Variants in ZNF532 observed in about 807,000 individuals in gnomAD.
ZNF532 encodes the protein zinc finger protein 532.
In ZNF532, 22 loss-of-function variants were observed where a neutral mutation model predicts 89.3. The observed-to-expected ratio is 0.25, with a 90% CI of 0.18 to 0.35. The LOEUF (loss-of-function observed/expected upper bound fraction) is 0.35. Among genes scored for constraint, ZNF532 ranks in the 10% least tolerant of loss-of-function variants. The pLI, the probability that ZNF532 is intolerant of heterozygous loss-of-function variation, is 1.00. For synonymous variants in ZNF532, 606 were observed against 649.6 expected (o/e 0.93, Z 1.02); for missense variants, 1,132 against 1,643.4 (o/e 0.69, Z 5.38).
intron 6 of ZNF532, 134 bp from the exon 7 acceptor site, chr18:58,953,384 T>C: frequency 1.3e-6 from 1 of 756,930 alleles, no homozygotes; most frequent in African/African-American, 1.8e-5. Context: ...TAGGTTTTTT[T>C]CTTTATATAT....
chr18:58,976,227 C>T (rs2067030942), intron 7 of ZNF532, among the ~76,000 whole-genome samples: 1 of 152,122 alleles, frequency 6.6e-6, no homozygotes, highest in Admixed American at 6.6e-5. Context: ...TTCATTTCTG[C>T]ATTTTTCATA....
rs770638520 is a variant in ZNF532, at chr18:58,880,763, C to CTGTGT, written c.-18+15184_-18+15185insTGTGT. Among the ~76,000 whole-genome samples the CTGTGT allele has an allele frequency of 2.3e-4, 27 of 119,676 alleles. 2 individuals carry two copies. In the Middle Eastern group the frequency reaches 0.012, roughly 53 times the overall value. 78.5% of individuals were successfully genotyped at this position (119,676 alleles called of 152,430 possible). On this transcript the variant is annotated intron_variant, in intron 2 of 9. Transcript: ENST00000591808. The stretch of plus-strand genomic sequence containing the variant: ...GAGCCCTCTCATAGGCGCGCGCGCA[C>CTGTGT]GCGCGCGCGTCTGTGTGTGTGTGTG...
chr18:58,870,131 C>G (rs2056862360), intron 2 of ZNF532, among the ~76,000 whole-genome samples: 1 of 136,788 alleles, frequency 7.3e-6, no homozygotes, highest in Admixed American at 8.0e-5. Flanking sequence ...GAAGAACAGA[C>G]AAAGGTAATG....
At chr18:58,908,636 A>T (rs1455727837) in intron 2 of ZNF532, among the ~76,000 whole-genome samples, 1 of 152,246 alleles carries the variant, frequency 6.6e-6, no homozygotes, top group Non-Finnish European at 1.5e-5. Flanking sequence ...GAGGGACAAG[A>T]TGCAGTAAAA....
At chr18:58,871,303 T>A (rs1316853873) in intron 2 of ZNF532, among the ~76,000 whole-genome samples, 1 of 152,204 alleles carries the variant, frequency 6.6e-6, no homozygotes, top group South Asian at 2.1e-4. Context: ...CTAGCTGGAC[T>A]TGAACTCCTT....
At chr18:58,942,617 G>T (rs1049242105) in intron 5 of ZNF532, among the ~76,000 whole-genome samples, 1 of 151,878 alleles carries the variant, frequency 6.6e-6, no homozygotes, top group Non-Finnish European at 1.5e-5. Flanking sequence ...GGGCCCAGTA[G>T]GCCTGTACTG....
At chr18:58,930,348 C>T (rs368030872) in intron 3 of ZNF532, among the ~76,000 whole-genome samples, 41 of 152,194 alleles carry the variant, frequency 2.7e-4, no homozygotes, top group Middle Eastern at 3.4e-3. Flanking sequence ...GTAAGAGTAC[C>T]GGGCGCAGTG....
intron 3 of ZNF532, among the ~76,000 whole-genome samples, chr18:58,927,959 T>A (rs751400091): frequency 5.9e-5 from 9 of 152,248 alleles, no homozygotes; most frequent in Non-Finnish European, 1.2e-4. Flanking sequence ...GAGTGAGAAT[T>A]GCGTCTTTTA....
chr18:58,877,263 A>G (rs1034921928), intron 2 of ZNF532, among the ~76,000 whole-genome samples: 1 of 152,182 alleles, frequency 6.6e-6, no homozygotes, highest in Non-Finnish European at 1.5e-5. Context: ...ACGGCTAGTC[A>G]CATCACCTCT....
intron 7 of ZNF532, among the ~76,000 whole-genome samples, chr18:58,967,673 C>T (rs1158582096): frequency 2.6e-5 from 4 of 152,130 alleles, no homozygotes; most frequent in Non-Finnish European, 4.4e-5. Flanking sequence ...CGGTAAATAC[C>T]GTGGAAGGAA....
chr18:58,867,521 G>T (rs2056582392), intron 2 of ZNF532, among the ~76,000 whole-genome samples: 1 of 152,080 alleles, frequency 6.6e-6, no homozygotes. Flanking sequence ...GAGTCTTCTG[G>T]GCTGGGGAAT....
At chr18:58,952,324 C>T (rs181802089) in intron 6 of ZNF532, among the ~76,000 whole-genome samples, 21 of 152,282 alleles carry the variant, frequency 1.4e-4, no homozygotes, top group Middle Eastern at 3.4e-3. Flanking sequence ...TAAGAAGAGA[C>T]GGCCCTATTC....
At chr18:58,939,238 CGTT>C (rs1242188545) in intron 4 of ZNF532, among the ~76,000 whole-genome samples, 1 of 74,210 alleles carries the variant, frequency 1.3e-5, no homozygotes, top group Non-Finnish European at 2.4e-5. Context: ...CAGAGCGAGA[CGTT>C]GTCTCAAAAA....
chr18:58,938,603 T>C (rs2062672753), intron 4 of ZNF532, among the ~76,000 whole-genome samples: 1 of 152,218 alleles, frequency 6.6e-6, no homozygotes, highest in Admixed American at 6.5e-5. Flanking sequence ...ACCTAGGTGG[T>C]TGACCTTCTC....
At chr18:58,882,946 TTAATC>T (rs1396308213) in intron 2 of ZNF532, among the ~76,000 whole-genome samples, 2 of 151,766 alleles carry the variant, frequency 1.3e-5, no homozygotes, top group Non-Finnish European at 2.9e-5. Flanking sequence ...GTGTGTGTAT[TTAATC>T]TAACATTTCT....
At chr18:58,932,165 A>G (rs746784948) in intron 3 of ZNF532, among the ~76,000 whole-genome samples, 21 of 152,200 alleles carry the variant, frequency 1.4e-4, no homozygotes, top group Non-Finnish European at 2.9e-4. Context: ...TTGAGGCTGT[A>G]GTCCCTATGC....
intron 7 of ZNF532, among the ~76,000 whole-genome samples, chr18:58,960,012 C>T (rs962334304): frequency 6.6e-6 from 1 of 152,188 alleles, no homozygotes; most frequent in Non-Finnish European, 1.5e-5. Context: ...GATCTTGGCT[C>T]ACTGCAACCT....
At position 58,981,524 on chromosome 18, in the gene ZNF532, C is replaced by T. The variant is rs61733373; in HGVS notation, c.3318C>T (p.His1106=). The T allele has an allele frequency of 0.12, 200,245 of 1,613,854 alleles. 13,923 individuals carry two copies. The highest frequency in any genetic ancestry group is 0.17 in the Middle Eastern group (1,009 of 5,976). ...TFTKRLMLEK[H]VQLMHGIKDP... is the part of the protein sequence containing the mutation. ...CCAAACGTTTGATGCTGGAGAAGCA[C>T]GTCCAGCTGATGCATGGCATCAAGG... is the stretch of plus-strand genomic sequence containing the variant. The change falls in exon 9 of 10, where the codon CAC becomes CAT. Residue 1106 remains histidine, a synonymous_variant. Transcript: ENST00000591808.
At chr18:58,922,644 C>A (rs1460886854) in intron 3 of ZNF532, among the ~76,000 whole-genome samples, 3 of 152,202 alleles carry the variant, frequency 2.0e-5, no homozygotes, top group Non-Finnish European at 4.4e-5. Flanking sequence ...TTCATCCTAA[C>A]AGGATGCAGT....
Sources: gnomAD v4.1 joint callset for allele counts (sites outside exome capture counted in the v4.1 genomes callset) on GRCh38, gnomAD v4.1.1 for gene constraint, MANE v1.5 for transcripts, NCBI Gene and HGNC (gene_info 2026-07-23, HGNC 2026-07-21) for gene names.